PRKN: variants seen among roughly 807,000 people sequenced by gnomAD.
PRKN encodes E3 ubiquitin-protein ligase parkin.
A neutral mutation model predicts 59.5 loss-of-function variants in PRKN; 56 were observed. The ratio of observed to expected loss-of-function variants is 0.94; its 90% CI spans 0.76 to 1.18. The LOEUF (loss-of-function observed/expected upper bound fraction) is 1.18, where lower values mean the gene tolerates loss of function less well. Ranked by LOEUF, PRKN falls within the 50% of genes most tolerant of loss-of-function variation. The pLI, the probability that PRKN is intolerant of heterozygous loss-of-function variation, is 0.00. For missense variants in PRKN, 657 were observed against 596.4 expected (o/e 1.10, Z -1.06); for synonymous variants, 250 against 222.1 (o/e 1.13, Z -1.12).
chr6:162,564,386 T>A (rs1198446930), intron 1 of PRKN, among the ~76,000 whole-genome samples: 1 of 151,544 alleles, frequency 6.6e-6, no homozygotes, highest in Non-Finnish European at 1.5e-5. Flanking sequence ...AATTGGCCTA[T>A]TGGCCTTAAA....
intron 4 of PRKN, among the ~76,000 whole-genome samples, chr6:162,184,971 G>C (rs1002146309): frequency 1.3e-5 from 2 of 151,512 alleles, no homozygotes; most frequent in Non-Finnish European, 2.9e-5. Context: ...AATAAGGGTG[G>C]GGGGGTGCTC....
At chr6:161,567,633 A>G (rs76530368) in intron 8 of PRKN, among the ~76,000 whole-genome samples, 1,666 of 152,270 alleles carry the variant, frequency 0.011, 36 homozygotes, top group African/African-American at 0.038. Flanking sequence ...CTGATGCACT[A>G]TATTACCAAA....
intron 7 of PRKN, among the ~76,000 whole-genome samples, chr6:161,758,378 T>C (rs946192709): frequency 3.3e-5 from 5 of 152,178 alleles, no homozygotes; most frequent in Non-Finnish European, 1.5e-5. Context: ...ACATAAAATA[T>C]ACACAATTCA....
chr6:162,459,061 C>T (rs1583607767), intron 1 of PRKN, among the ~76,000 whole-genome samples: 1 of 152,148 alleles, frequency 6.6e-6, no homozygotes, highest in Non-Finnish European at 1.5e-5. Flanking sequence ...CCCAGGTGAT[C>T]CACCCTCCTT....
intron 4 of PRKN, among the ~76,000 whole-genome samples, chr6:162,156,312 G>A (rs922946739): frequency 6.6e-6 from 1 of 152,106 alleles, no homozygotes; most frequent in Non-Finnish European, 1.5e-5. Context: ...TATATGAAGG[G>A]GAGCTTATCA....
intron 1 of PRKN, among the ~76,000 whole-genome samples, chr6:162,654,231 T>C (rs1356013567): frequency 1.3e-5 from 2 of 152,222 alleles, no homozygotes. Context: ...GCTCTCCTTC[T>C]GGCCCACTGT....
At chr6:162,436,399 C>G (rs954452849) in intron 2 of PRKN, among the ~76,000 whole-genome samples, 2 of 150,814 alleles carry the variant, frequency 1.3e-5, no homozygotes, top group Non-Finnish European at 2.9e-5. Flanking sequence ...ATGGCGCAAT[C>G]TTGGCTCACT....
At chr6:161,505,569 C>T (rs1359037955) in intron 9 of PRKN, among the ~76,000 whole-genome samples, 2 of 152,220 alleles carry the variant, frequency 1.3e-5, no homozygotes, top group East Asian at 3.9e-4. Context: ...GTTGCCATTG[C>T]TATTGGTGTT....
rs1168314298 is a variant in PRKN, at chr6:162,437,850, T to A, written c.171+5460A>T. On this transcript the variant is annotated intron_variant, in intron 2 of 11. Transcript: ENST00000366898. ...ATCCACTGAAAGACATCAGAGTTGTTTCCGTGTTCTGCTAATGTGAATAAA... is the reference window on the plus strand; with the variant it reads ...ATCCACTGAAAGACATCAGAGTTGTATCCGTGTTCTGCTAATGTGAATAAA... Among the ~76,000 whole-genome samples the A allele has an allele frequency of 2.0e-5, 3 of 152,188 alleles. No homozygotes were observed. In the South Asian group the frequency reaches 6.2e-4, roughly 32 times the overall value.
rs1180636201 is a variant in PRKN, at chr6:162,390,396, T to TATATATATATATATATATATATATATAC, written c.171+52913_171+52914insGTATATATATATATATATATATATATAT. 2.8e-3 allele frequency among the ~76,000 whole-genome samples: 237 copies of TATATATATATATATATATATATATATAC among 83,860 alleles called. 1 individual carries two copies. The highest frequency in any genetic ancestry group is 3.9e-3 in the Non-Finnish European group (161 of 41,338). The allele number at this position is 83,860 out of a possible 152,430, so 55.0% of individuals were successfully genotyped here. On this transcript the variant is annotated intron_variant, in intron 2 of 11. Transcript: ENST00000366898. ...TAAGGTATATATATATATATATATA[T>TATATATATATATATATATATATATATAC]ACACACACACACACACACACACACA...
At position 161,588,386 on chromosome 6, in the gene PRKN, C is replaced by A. The variant is rs1185310198; in HGVS notation, c.872-18970G>T. ...CAAGAGCGAAACTCTGTCCCCTCGCCAAAAAAAAAAAATTTACTCTATGGG... is the reference window on the plus strand; with the variant it reads ...CAAGAGCGAAACTCTGTCCCCTCGCAAAAAAAAAAAAATTTACTCTATGGG... On this transcript the variant is annotated intron_variant, in intron 7 of 11. Coordinates refer to ENST00000366898, the MANE Select transcript of PRKN (RefSeq NM_004562.3). This position sits in a 1 kb window ranked among gnomAD's most constrained non-coding sequence, Gnocchi z 5.0. 6.7e-6 allele frequency among the ~76,000 whole-genome samples: 1 copy of A among 148,562 alleles called. No individual in the cohort carries two copies. Among genetic ancestry groups the A allele is most frequent in the Non-Finnish European group, 1.5e-5 (1 of 66,862 alleles).
chr6:162,525,896 C>T (rs1778259845), intron 1 of PRKN, among the ~76,000 whole-genome samples: 1 of 152,028 alleles, frequency 6.6e-6, no homozygotes, highest in South Asian at 2.1e-4. Flanking sequence ...CTCCATTGCC[C>T]AGGCTGGAGT....
At chr6:161,998,141 A>T (rs1781914802) in intron 5 of PRKN, among the ~76,000 whole-genome samples, 1 of 152,134 alleles carries the variant, frequency 6.6e-6, no homozygotes, top group Non-Finnish European at 1.5e-5. Flanking sequence ...ATTTTTGGGA[A>T]GTATGAGATT....
intron 1 of PRKN, among the ~76,000 whole-genome samples, chr6:162,507,844 C>CA (rs747677399): frequency 6.6e-6 from 1 of 152,168 alleles, no homozygotes; most frequent in Non-Finnish European, 1.5e-5. Context: ...TGTAGGGGCT[C>CA]AGTCAATACT....
At chr6:162,501,506 C>A (rs1291734721) in intron 1 of PRKN, among the ~76,000 whole-genome samples, 1 of 139,874 alleles carries the variant, frequency 7.1e-6, no homozygotes, top group Non-Finnish European at 1.5e-5. Context: ...TGCCACCACG[C>A]CTGGTTAATT....
Position 162,414,726 on chromosome 6 carries a change from A to AAAAAAAAAAAAAAAAAAAAAAAAAGT in PRKN, c.171+28583_171+28584insACTTTTTTTTTTTTTTTTTTTTTTTT, listed in dbSNP as rs34838356. 2.0e-4 allele frequency among the ~76,000 whole-genome samples: 18 copies of AAAAAAAAAAAAAAAAAAAAAAAAAGT among 91,868 alleles called. 5 individuals carry two copies. Among genetic ancestry groups the AAAAAAAAAAAAAAAAAAAAAAAAAGT allele is most frequent in the African/African-American group, 4.5e-4 (10 of 22,072 alleles). 60.3% of individuals were successfully genotyped at this position (91,868 alleles called of 152,430 possible). A position where few individuals can be genotyped will look rare whatever the true frequency, so the allele number is the denominator to read the frequency against. On this transcript the variant is annotated intron_variant, in intron 2 of 11. Coordinates refer to ENST00000366898, the MANE Select transcript of PRKN (RefSeq NM_004562.3). ...ACTCCGTCTCAAAAAAAAAAAAAAAAAGTGAATCTTTGAAGTTTTAAAATA... is the reference window on the plus strand; with the variant it reads ...ACTCCGTCTCAAAAAAAAAAAAAAAAAAAAAAAAAAAAAAAAAAAAAAAAGTAGTGAATCTTTGAAGTTTTAAAATA...
At chr6:161,958,913 G>T (rs1028648745) in intron 6 of PRKN, among the ~76,000 whole-genome samples, 4 of 151,792 alleles carry the variant, frequency 2.6e-5, no homozygotes, top group African/African-American at 7.3e-5. Flanking sequence ...AAAAAGAAAA[G>T]AATGTGAGAG....
At chr6:162,140,616 G>A (rs768251971) in intron 4 of PRKN, among the ~76,000 whole-genome samples, 2 of 152,128 alleles carry the variant, frequency 1.3e-5, no homozygotes, top group Non-Finnish European at 2.9e-5. Flanking sequence ...TTACAGCAAA[G>A]CAATGCCACT....
intron 1 of PRKN, among the ~76,000 whole-genome samples, chr6:162,531,174 C>A (rs898359124): frequency 1.3e-5 from 2 of 151,820 alleles, no homozygotes; most frequent in Non-Finnish European, 2.9e-5. Flanking sequence ...TCAGAGCAGC[C>A]TGGCCAAACC....
Sources: allele counts gnomAD v4.1 joint callset (sites outside exome capture counted in the v4.1 genomes callset), GRCh38; gene constraint gnomAD v4.1.1; non-coding constraint Gnocchi (gnomAD v3.1); transcripts MANE v1.5; gene names NCBI Gene and HGNC (gene_info 2026-07-23, HGNC 2026-07-21).